MARCHF3: variants seen among roughly 807,000 people sequenced by gnomAD.
The protein encoded by MARCHF3 is E3 ubiquitin-protein ligase MARCHF3.
MARCHF3 carries 13 observed loss-of-function variants against 24.2 expected under a neutral mutation model. The ratio of observed to expected loss-of-function variants is 0.54; its 90% CI spans 0.35 to 0.85. The LOEUF is 0.85. Among genes scored for constraint, MARCHF3 ranks in the 40% least tolerant of loss-of-function variants. MARCHF3 has a pLI of 0.01. For missense variants in MARCHF3, 276 were observed against 325.0 expected, an observed-to-expected ratio of 0.85 and a Z score of 1.16; for synonymous variants, 144 against 137.3, an observed-to-expected ratio of 1.05 and a Z score of -0.34.
intron 3 of MARCHF3, among the ~76,000 whole-genome samples, chr5:126,908,475 G>T (rs943475798): frequency 3.9e-5 from 6 of 151,990 alleles, no homozygotes; most frequent in African/African-American, 1.5e-4. Context: ...ACATAGATTT[G>T]GTCTTTTCAC....
chr5:126,910,664 T>C (rs1229082809), intron 3 of MARCHF3, among the ~76,000 whole-genome samples: 1 of 152,228 alleles, frequency 6.6e-6, no homozygotes, highest in Non-Finnish European at 1.5e-5. Context: ...CTTTGTAAGC[T>C]GAGGAGGATG....
chr5:126,906,225 T>G (rs1376956370), intron 3 of MARCHF3, among the ~76,000 whole-genome samples: 1 of 151,712 alleles, frequency 6.6e-6, no homozygotes, highest in African/African-American at 2.4e-5. Context: ...TGCCAGTATT[T>G]TATTGAGGAT....
chr5:126,896,434 G>A (rs987819525), intron 3 of MARCHF3, among the ~76,000 whole-genome samples: 3 of 152,110 alleles, frequency 2.0e-5, no homozygotes, highest in African/African-American at 7.2e-5. Context: ...AAACCAGCTG[G>A]ATGAATAGAG....
chr5:126,897,135 G>A (rs1753949823), intron 3 of MARCHF3, among the ~76,000 whole-genome samples: 1 of 146,564 alleles, frequency 6.8e-6, no homozygotes, highest in African/African-American at 2.5e-5. Context: ...TGCCTCCCGG[G>A]TTCAAGCGAT....
intron 1 of MARCHF3, among the ~76,000 whole-genome samples, chr5:126,980,090 T>G (rs1330369913): frequency 6.6e-6 from 1 of 152,080 alleles, no homozygotes; most frequent in Non-Finnish European, 1.5e-5. Flanking sequence ...GACACAGAGA[T>G]GTCACCACGA....
chr5:126,957,064 A>G (rs994776088), intron 1 of MARCHF3, among the ~76,000 whole-genome samples: 1 of 148,840 alleles, frequency 6.7e-6, no homozygotes, highest in African/African-American at 2.4e-5. Flanking sequence ...CCGGCTAAGA[A>G]TGGTATTCTT....
At chr5:126,905,738 A>G (rs1754267740) in intron 3 of MARCHF3, among the ~76,000 whole-genome samples, 3 of 151,832 alleles carry the variant, frequency 2.0e-5, no homozygotes, top group Non-Finnish European at 2.9e-5. Context: ...GGTTTTCTAG[A>G]TATACAATCA....
chr5:126,946,734 A>G (rs1750022896), intron 1 of MARCHF3, among the ~76,000 whole-genome samples: 2 of 145,502 alleles, frequency 1.4e-5, no homozygotes, highest in African/African-American at 2.5e-5. Flanking sequence ...CAGAGGTCAG[A>G]GAGGGAGAGG....
At chr5:126,873,928 C>A (rs1202615714) in intron 4 of MARCHF3, among the ~76,000 whole-genome samples, 1 of 152,034 alleles carries the variant, frequency 6.6e-6, no homozygotes, top group Non-Finnish European at 1.5e-5. Flanking sequence ...TGCATCCCTG[C>A]AATGCAATAT....
chr5:126,889,698 C>A (rs1429726520), intron 3 of MARCHF3, among the ~76,000 whole-genome samples: 1 of 152,162 alleles, frequency 6.6e-6, no homozygotes, highest in Non-Finnish European at 1.5e-5. Flanking sequence ...AAGGGCCCCA[C>A]ATATTTACGA....
At chr5:126,966,735 T>A (rs1750823433) in intron 1 of MARCHF3, among the ~76,000 whole-genome samples, 1 of 151,886 alleles carries the variant, frequency 6.6e-6, no homozygotes, top group African/African-American at 2.4e-5. Flanking sequence ...CTCCAGGTCA[T>A]CATTAGGAAT....
intron 1 of MARCHF3, among the ~76,000 whole-genome samples, chr5:126,971,716 G>A (rs550064196): frequency 6.6e-6 from 1 of 152,250 alleles, no homozygotes; most frequent in African/African-American, 2.4e-5. Flanking sequence ...GTGTCCATAT[G>A]TCCACAAGAG....
Position 126,941,732 on chromosome 5 carries a change from G to A in MARCHF3, c.-56-23505C>T, listed in dbSNP as rs533405688. On this transcript the variant is annotated intron_variant, in intron 1 of 4. Transcript: ENST00000308660. ...TGAGAGCACCATGAAAGCATCTGGA[G>A]GCCTTCTGCTGGTGGAGCTGCCAGC... 2.6e-5 allele frequency among the ~76,000 whole-genome samples: 4 copies of A among 152,326 alleles called. No homozygotes were observed. In the South Asian group the frequency reaches 8.3e-4, roughly 32 times the overall value.
chr5:126,905,614 T>C (rs1754262096), intron 3 of MARCHF3, among the ~76,000 whole-genome samples: 1 of 151,822 alleles, frequency 6.6e-6, no homozygotes, highest in Non-Finnish European at 1.5e-5. Flanking sequence ...TGGCTCTCTG[T>C]TTGTCTGTTG....
rs34090036 is a variant in MARCHF3, at chr5:126,916,692, G to GACACACACACACACACAC, written c.188+1274_188+1291dup. Among the ~76,000 whole-genome samples, 490 of 130,534 alleles carry GACACACACACACACACAC rather than the reference G, an allele frequency of 3.8e-3. 7 individuals carry two copies. The highest frequency in any genetic ancestry group is 4.3e-3 in the African/African-American group (136 of 31,362). The allele number at this position is 130,534 out of a possible 152,430, so 85.6% of individuals were successfully genotyped here. A position where few individuals can be genotyped will look rare whatever the true frequency, so the allele number is the denominator to read the frequency against. ...AAAATACCTGACAGACAGACAGACAGACACACACACACACACACACACACA... is the reference window on the plus strand; with the variant it reads ...AAAATACCTGACAGACAGACAGACAGACACACACACACACACACACACACACACACACACACACACACA... On this transcript the variant is annotated intron_variant, in intron 2 of 4. Transcript: ENST00000308660.
intron 4 of MARCHF3, 48 bp from the exon 5 acceptor site, chr5:126,870,839 A>C: frequency 6.2e-7 from 1 of 1,607,622 alleles, no homozygotes; most frequent in Non-Finnish European, 8.5e-7. Context: ...AGGTCAGCAG[A>C]AGTGGATAAT....
In MARCHF3 at chr5:126,882,867, T is replaced by G. The variant is rs543547964; in HGVS notation, c.394-4473A>C. Among the ~76,000 whole-genome samples, 15 of 152,296 alleles carry G rather than the reference T, an allele frequency of 9.8e-5. No homozygotes were observed. The East Asian group carries it at 1.7e-3, about 18-fold the overall frequency. ...ATTATTATCACTGCCATTTTATAGA[T>G]AGGGAAAATGAGACACAGAGAATTT... On this transcript the variant is annotated intron_variant, in intron 3 of 4. Transcript: ENST00000308660.
At chr5:126,907,860 A>G (rs1171534597) in intron 3 of MARCHF3, among the ~76,000 whole-genome samples, 3 of 151,032 alleles carry the variant, frequency 2.0e-5, no homozygotes, top group Non-Finnish European at 4.4e-5. Context: ...TGATCCTGTC[A>G]TTATGATGTT....
At chr5:126,997,780 A>T (rs965992408) in intron 1 of MARCHF3, among the ~76,000 whole-genome samples, 5 of 152,196 alleles carry the variant, frequency 3.3e-5, no homozygotes, top group Admixed American at 6.5e-5. Context: ...AATAATTCTC[A>T]TTGCCCATTT....
Sources: allele counts gnomAD v4.1 joint callset (sites outside exome capture counted in the v4.1 genomes callset), GRCh38; gene constraint gnomAD v4.1.1; transcripts MANE v1.5; gene names NCBI Gene and HGNC (gene_info 2026-07-23, HGNC 2026-07-21).